Variants in HOATZ observed in about 807,000 individuals in gnomAD.
HOATZ encodes the protein HOATZ cilia and flagella associated protein.
In HOATZ, 26 loss-of-function variants were observed where a neutral mutation model predicts 24.9. The observed-to-expected ratio is 1.04, with a 90% CI of 0.76 to 1.45. The LOEUF (loss-of-function observed/expected upper bound fraction) is 1.45. Among genes scored for constraint, HOATZ ranks in the 40% most tolerant of loss-of-function variants. The probability of loss-of-function intolerance (pLI) is 0.00; values close to 1 mark genes in which losing one functional copy is unlikely to be tolerated. For synonymous variants in HOATZ, 83 were observed against 76.6 expected, an observed-to-expected ratio of 1.08 and a Z score of -0.43; for missense variants, 226 against 201.5, an observed-to-expected ratio of 1.12 and a Z score of -0.74.
chr11:111,531,812 A>G (rs1025297337), intron 3 of HOATZ, among the ~76,000 whole-genome samples: 6 of 152,222 alleles, frequency 3.9e-5, no homozygotes, highest in African/African-American at 1.4e-4. Flanking sequence ...TTCACCAGCC[A>G]AGACACTGAT....
In HOATZ at chr11:111,516,026, T is replaced by G. The variant is rs544627705; in HGVS notation, c.269-14T>G. 1 of 1,509,848 alleles carries G rather than the reference T, an allele frequency of 6.6e-7. No homozygotes were observed. Among genetic ancestry groups the G allele is most frequent in the African/African-American group, 1.4e-5 (1 of 71,702 alleles). The allele number at this position is 1,509,848 out of a possible 1,614,324, so 93.5% of individuals were successfully genotyped here. A position where few individuals can be genotyped will look rare whatever the true frequency, so the allele number is the denominator to read the frequency against. Reference sequence around the variant, plus strand: ...AAAATTATTTCAGATTGAATTTGACTTTATTCCCTCTAGAAAATAGAGACA... The same window carrying G: ...AAAATTATTTCAGATTGAATTTGACGTTATTCCCTCTAGAAAATAGAGACA... On this transcript the variant is annotated splice_polypyrimidine_tract_variant and intron_variant, in intron 2 of 5. Transcript: ENST00000375618.
Position 111,514,856 on chromosome 11 carries a change from G to A in HOATZ, c.72G>A (p.Leu24=). The change falls in exon 1 of 6, where the codon CTG becomes CTA. Residue 24 remains leucine, a synonymous_variant. Coordinates refer to ENST00000375618, the MANE Select transcript of HOATZ (RefSeq NM_001100388.2). Reference sequence around the variant, plus strand: ...AGGAAATGTGCCCCCCGGGATTACTGGTATTTGCTGGCTCCTCGGAACAAG... The same window carrying A: ...AGGAAATGTGCCCCCCGGGATTACTAGTATTTGCTGGCTCCTCGGAACAAG... ...ESQEMCPPGL[L]VFAGSSEQDA... is the part of the protein sequence containing the mutation. 1 of 1,614,136 alleles carries A rather than the reference G, an allele frequency of 6.2e-7. No homozygotes were observed.
intron 3 of HOATZ, among the ~76,000 whole-genome samples, chr11:111,531,053 T>C (rs1408262453): frequency 1.3e-5 from 2 of 152,240 alleles, no homozygotes; most frequent in East Asian, 3.8e-4. Flanking sequence ...ATATTTGTTA[T>C]TCTACTATTA....
chr11:111,527,195 T>C (rs1242551035), intron 3 of HOATZ, among the ~76,000 whole-genome samples: 3 of 152,218 alleles, frequency 2.0e-5, no homozygotes, highest in Admixed American at 6.5e-5. Context: ...GCAATTATTA[T>C]TGGTAAAATA....
chr11:111,519,110 A>C (rs1867239638), intron 3 of HOATZ: 1 of 434,732 alleles, frequency 2.3e-6, no homozygotes, highest in Non-Finnish European at 4.6e-6. Flanking sequence ...AAGTGGTTTA[A>C]CTCCTGGGAT....
At chr11:111,533,864 T>G in intron 4 of HOATZ, 59 bp downstream of exon 4, 1 of 1,280,688 alleles carries the variant, frequency 7.8e-7, no homozygotes, top group Non-Finnish European at 1.1e-6. Flanking sequence ...TGTGGCAAAT[T>G]TTGCAGAGGT....
chr11:111,531,713 TC>T (rs2135781624), intron 3 of HOATZ, among the ~76,000 whole-genome samples: 1 of 152,278 alleles, frequency 6.6e-6, no homozygotes, highest in South Asian at 2.1e-4. Flanking sequence ...AAATCCTATC[TC>T]AAAATAAATA....
intron 3 of HOATZ, among the ~76,000 whole-genome samples, chr11:111,529,595 C>A (rs904375953): frequency 6.6e-6 from 1 of 152,066 alleles, no homozygotes; most frequent in African/African-American, 2.4e-5. Flanking sequence ...AACTCCTGAC[C>A]TCATGATCCT....
At chr11:111,522,685 T>A (rs941838564) in intron 3 of HOATZ, among the ~76,000 whole-genome samples, 2 of 152,236 alleles carry the variant, frequency 1.3e-5, no homozygotes, top group Admixed American at 1.3e-4. Flanking sequence ...CAAGCCACTG[T>A]ATTGGCAATA....
chr11:111,534,715 G>C, intron 5 of HOATZ: 1 of 458,934 alleles, frequency 2.2e-6, no homozygotes, highest in Admixed American at 3.7e-5. Flanking sequence ...GAAGCTCTGT[G>C]CACATTCTCT....
At chr11:111,520,115 C>T (rs74765059) in intron 3 of HOATZ, among the ~76,000 whole-genome samples, 3,666 of 152,270 alleles carry the variant, frequency 0.024, 80 homozygotes, top group Middle Eastern at 0.085. Flanking sequence ...GGAAACCTCA[C>T]AGCCCTACAC....
chr11:111,523,520 C>T (rs961388950), intron 3 of HOATZ, among the ~76,000 whole-genome samples: 2 of 152,070 alleles, frequency 1.3e-5, no homozygotes, highest in Non-Finnish European at 2.9e-5. Context: ...TCAGTGTTTG[C>T]GGTGACATTC....
intron 3 of HOATZ, among the ~76,000 whole-genome samples, chr11:111,523,063 G>A (rs979993818): frequency 2.0e-5 from 3 of 152,136 alleles, no homozygotes; most frequent in East Asian, 3.9e-4. Flanking sequence ...TGGGCAACAA[G>A]AGCGAGACTG....
chr11:111,524,045 A>T (rs1192986042), intron 3 of HOATZ, among the ~76,000 whole-genome samples: 2 of 152,190 alleles, frequency 1.3e-5, no homozygotes, highest in Non-Finnish European at 2.9e-5. Context: ...CAAATAGGTG[A>T]TCTCCTGACA....
At chr11:111,533,906 T>G in intron 4 of HOATZ, 101 bp downstream of exon 4, 2 of 803,156 alleles carry the variant, frequency 2.5e-6, no homozygotes, top group Non-Finnish European at 3.8e-6. Flanking sequence ...TCTAGCTAGC[T>G]ATAGTCCAGA....
intron 3 of HOATZ, 113 bp downstream of exon 3, chr11:111,516,223 CAAA>C: frequency 1.7e-6 from 1 of 576,248 alleles, no homozygotes; most frequent in East Asian, 3.0e-5. Flanking sequence ...TCAGCTTGAG[CAAA>C]TTAAGGAAAC....
At chr11:111,515,443 A>T in intron 1 of HOATZ, 68 bp from the exon 2 acceptor site, 1 of 1,327,886 alleles carries the variant, frequency 7.5e-7, no homozygotes, top group Non-Finnish European at 1.1e-6. Context: ...ATAGTATAAA[A>T]AATTCAAACG....
rs1867353805 is a variant in HOATZ, at chr11:111,527,660, CTTA to C, written c.340-6079_340-6077del. On this transcript the variant is annotated intron_variant, in intron 3 of 5. Coordinates refer to ENST00000375618, the MANE Select transcript of HOATZ (RefSeq NM_001100388.2). ...AATTTGAGGTCCAACAGTTCTGTAT[CTTA>C]TTATTAGAGTAGATATAAATTTCCT... 2.6e-5 allele frequency among the ~76,000 whole-genome samples: 4 copies of C among 152,154 alleles called. No individual in the cohort carries two copies. In the South Asian group the frequency reaches 8.3e-4, roughly 31 times the overall value.
chr11:111,523,874 A>G (rs1172347065), intron 3 of HOATZ, among the ~76,000 whole-genome samples: 1 of 152,232 alleles, frequency 6.6e-6, no homozygotes, highest in Non-Finnish European at 1.5e-5. Flanking sequence ...CTAGTCTGAT[A>G]TAAATGCCTC....
Sources: gnomAD v4.1 joint callset for allele counts (sites outside exome capture counted in the v4.1 genomes callset) on GRCh38, gnomAD v4.1.1 for gene constraint, MANE v1.5 for transcripts, NCBI Gene and HGNC (gene_info 2026-07-23, HGNC 2026-07-21) for gene names.